The following NME7 variants were observed in gnomAD, a reference collection of about 807,000 sequenced individuals.
NME7 encodes the protein nucleoside diphosphate kinase 7.
Under a neutral mutation model 49.1 loss-of-function variants are expected in NME7, and 41 were observed. The ratio of observed to expected loss-of-function variants is 0.83; its 90% confidence interval spans 0.65 to 1.08. NME7 has a LOEUF of 1.08. NME7 is among the 50% of genes least tolerant of loss of function. NME7 has a pLI of 0.00. For synonymous variants in NME7, 139 were observed against 150.6 expected (o/e 0.92, Z 0.56); for missense variants, 423 against 463.4 (o/e 0.91, Z 0.80).
chr1:169,262,751 A>G lies in NME7; in HGVS notation c.754+24552T>C, dbSNP rs1035700391. 6.7e-5 allele frequency among the ~76,000 whole-genome samples: 9 copies of G among 133,844 alleles called. 2 individuals are homozygous for G. Among genetic ancestry groups the G allele is most frequent in the Non-Finnish European group, 1.4e-4 (8 of 56,834 alleles). The allele number at this position is 133,844 out of a possible 152,430, so 87.8% of individuals were successfully genotyped here. A position where few individuals can be genotyped will look rare whatever the true frequency, so the allele number is the denominator to read the frequency against. On this transcript the variant is annotated intron_variant, in intron 7 of 11. Coordinates refer to ENST00000367811, the MANE Select transcript of NME7 (RefSeq NM_013330.5). ...ATGGACCCATGCAAGACTGAGAAGG[A>G]GAGAATCAACCTGGCTTCCCCACAA... is the stretch of plus-strand genomic sequence containing the variant.
chr1:169,228,702 AAAAAGTAC>A (rs1471935321), intron 10 of NME7, among the ~76,000 whole-genome samples: 1 of 151,480 alleles, frequency 6.6e-6, no homozygotes, highest in Non-Finnish European at 1.5e-5. Context: ...AAAAAAAAAA[AAAAAGTAC>A]AAAAACCCCT....
At chr1:169,157,382 G>A (rs1659108936) in intron 11 of NME7, among the ~76,000 whole-genome samples, 1 of 152,258 alleles carries the variant, frequency 6.6e-6, no homozygotes, top group African/African-American at 2.4e-5. Flanking sequence ...GTACACCTCT[G>A]AGCCACATGA....
chr1:169,172,284 A>C (rs1659619970), intron 10 of NME7, among the ~76,000 whole-genome samples: 1 of 151,582 alleles, frequency 6.6e-6, no homozygotes, highest in African/African-American at 2.4e-5. Context: ...AAACTAAAAA[A>C]AAACAAAAAA....
intron 10 of NME7, among the ~76,000 whole-genome samples, chr1:169,187,917 C>T (rs2101758126): frequency 6.6e-6 from 1 of 152,282 alleles, no homozygotes; most frequent in African/African-American, 2.4e-5. Context: ...GTGCTTTCTT[C>T]AGGAGCTCTT....
At position 169,168,853 on chromosome 1, in the gene NME7, C is replaced by T. The variant is rs1213703005; in HGVS notation, c.1098+594G>A. 8.8e-6 allele frequency: 4 copies of T among 456,062 alleles called. No individual in the cohort carries two copies. The East Asian group carries it at 2.1e-4, about 24-fold the overall frequency. The allele number at this position is 456,062 out of a possible 1,614,324, so 28.3% of individuals were successfully genotyped here. A position where few individuals can be genotyped will look rare whatever the true frequency, so the allele number is the denominator to read the frequency against. On this transcript the variant is annotated intron_variant, in intron 11 of 11. Coordinates refer to ENST00000367811, the MANE Select transcript of NME7 (RefSeq NM_013330.5). ...TTTGATATTTCTAGGCTACAAAGTT[C>T]ACCCAAGAGTTTTTTCAAATTGTCA...
intron 1 of NME7, among the ~76,000 whole-genome samples, chr1:169,335,688 AAT>A (rs1264299917): frequency 1.4e-5 from 2 of 147,534 alleles, no homozygotes; most frequent in South Asian, 2.1e-4. Context: ...AAATATATAT[AAT>A]ATATATGTTT....
At chr1:169,330,522 T>C (rs1652215646) in intron 1 of NME7, among the ~76,000 whole-genome samples, 2 of 151,840 alleles carry the variant, frequency 1.3e-5, no homozygotes, top group South Asian at 4.2e-4. Flanking sequence ...CTACTAAAAA[T>C]ACAAAAATTA....
At chr1:169,283,315 C>A (rs1321682123) in intron 7 of NME7, among the ~76,000 whole-genome samples, 1 of 152,026 alleles carries the variant, frequency 6.6e-6, no homozygotes, top group Non-Finnish European at 1.5e-5. Flanking sequence ...TTCCTCCATC[C>A]CTTTACTTTG....
intron 11 of NME7, among the ~76,000 whole-genome samples, chr1:169,168,565 G>A (rs993254484): frequency 6.6e-6 from 1 of 152,110 alleles, no homozygotes; most frequent in Non-Finnish European, 1.5e-5. Context: ...CCAAGTTGCT[G>A]GGACTCCAGG....
intron 10 of NME7, among the ~76,000 whole-genome samples, chr1:169,187,322 T>C (rs1186575656): frequency 3.3e-5 from 5 of 152,150 alleles, no homozygotes; most frequent in Non-Finnish European, 7.3e-5. Context: ...GTCTCGTTGA[T>C]CTGTCTAATA....
At position 169,265,126 on chromosome 1, in the gene NME7, C is replaced by G. The variant is rs1434646984; in HGVS notation, c.754+22177G>C. Among the ~76,000 whole-genome samples the G allele has an allele frequency of 3.0e-5, 4 of 132,846 alleles. 1 individual carries two copies. The East Asian group carries it at 8.0e-4, about 27-fold the overall frequency. 87.2% of individuals were successfully genotyped at this position (132,846 alleles called of 152,430 possible). Reference sequence around the variant, plus strand: ...CAAATATCTCCTACCAGGTCCCTCCCATGACATGTCAGAATTATAGGAACC... The same window carrying G: ...CAAATATCTCCTACCAGGTCCCTCCGATGACATGTCAGAATTATAGGAACC... On this transcript the variant is annotated intron_variant, in intron 7 of 11. Transcript: ENST00000367811.
At chr1:169,264,723 TC>T (rs1649266514) in intron 7 of NME7, among the ~76,000 whole-genome samples, 1 of 132,922 alleles carries the variant, frequency 7.5e-6, no homozygotes, top group African/African-American at 2.5e-5. Context: ...ATTAATAGTA[TC>T]AGGATCTGAA....
At chr1:169,159,562 C>T (rs1425995794) in intron 11 of NME7, among the ~76,000 whole-genome samples, 1 of 152,202 alleles carries the variant, frequency 6.6e-6, no homozygotes, top group East Asian at 1.9e-4. Flanking sequence ...TTCTTCCCTT[C>T]CCCAATCTCT....
intron 9 of NME7, among the ~76,000 whole-genome samples, chr1:169,233,616 AGAG>A (rs1647734858): frequency 6.6e-6 from 1 of 152,240 alleles, no homozygotes; most frequent in South Asian, 2.1e-4. Flanking sequence ...AGAAGCTAAA[AGAG>A]GAGGAAAAGG....
At chr1:169,325,106 A>G (rs986646991) in intron 1 of NME7, among the ~76,000 whole-genome samples, 2 of 152,224 alleles carry the variant, frequency 1.3e-5, no homozygotes, top group African/African-American at 4.8e-5. Flanking sequence ...AATTCCCGTA[A>G]TATAAAATGA....
intron 7 of NME7, among the ~76,000 whole-genome samples, chr1:169,251,815 G>GT (rs1393329119): frequency 6.7e-6 from 1 of 150,018 alleles, no homozygotes; most frequent in African/African-American, 2.5e-5. Flanking sequence ...GCAGTGTTTG[G>GT]TTTTTTGTTC....
chr1:169,141,502 C>T (rs778771284), intron 11 of NME7, among the ~76,000 whole-genome samples: 22 of 152,126 alleles, frequency 1.4e-4, no homozygotes, highest in Non-Finnish European at 3.1e-4. Flanking sequence ...CTCGTCATTC[C>T]CTGAATACTT....
chr1:169,224,546 ATATT>A (rs1013721068), intron 10 of NME7, among the ~76,000 whole-genome samples: 43 of 152,268 alleles, frequency 2.8e-4, no homozygotes, highest in African/African-American at 9.9e-4. Context: ...TTATACATAT[ATATT>A]TAACAGATCT....
At chr1:169,330,633 C>T (rs1652219512) in intron 1 of NME7, among the ~76,000 whole-genome samples, 2 of 151,824 alleles carry the variant, frequency 1.3e-5, no homozygotes. Flanking sequence ...GAGCCGAGAT[C>T]GCACCACTGC....
Sources: allele counts gnomAD v4.1 joint callset (sites outside exome capture counted in the v4.1 genomes callset), GRCh38; gene constraint gnomAD v4.1.1; transcripts MANE v1.5; gene names NCBI Gene and HGNC (gene_info 2026-07-23, HGNC 2026-07-21).